UNC13C: variants seen among roughly 807,000 people sequenced by gnomAD.
The protein encoded by UNC13C is unc-13 homolog C.
Under a neutral mutation model 245.4 loss-of-function variants are expected in UNC13C, and 174 were observed. The ratio of observed to expected loss-of-function variants is 0.71; its 90% CI spans 0.63 to 0.80. The LOEUF (loss-of-function observed/expected upper bound fraction) is 0.80, where lower values mean the gene tolerates loss of function less well. Ranked by LOEUF, UNC13C falls within the 30% of genes least tolerant of loss-of-function variation. The probability of loss-of-function intolerance (pLI) is 0.00; values close to 1 mark genes in which losing one functional copy is unlikely to be tolerated. For synonymous variants in UNC13C, 992 were observed against 895.1 expected, an observed-to-expected ratio of 1.11 and a Z score of -1.93; for missense variants, 2,829 against 2,602.9, an observed-to-expected ratio of 1.09 and a Z score of -1.89.
intron 1 of UNC13C, among the ~76,000 whole-genome samples, chr15:53,979,594 A>G (rs975943183): frequency 6.6e-6 from 1 of 152,142 alleles, no homozygotes; most frequent in Admixed American, 6.5e-5. Context: ...CAATTACATC[A>G]TCAATATACT....
chr15:54,276,520 T>C (rs531303985), intron 10 of UNC13C, among the ~76,000 whole-genome samples: 38 of 152,044 alleles, frequency 2.5e-4, no homozygotes, highest in Non-Finnish European at 4.9e-4. Flanking sequence ...GTTCAACACA[T>C]CTAAAATCTA....
At chr15:53,918,119 T>G in the UNC13C span, among the ~76,000 whole-genome samples, 2 of 152,196 alleles carry the variant, frequency 1.3e-5, no homozygotes, top group African/African-American at 4.8e-5. Flanking sequence ...TTTTAAAATT[T>G]TGTTTTCGTG....
chr15:54,121,878 T>C (rs927007234), intron 2 of UNC13C, among the ~76,000 whole-genome samples: 3 of 152,080 alleles, frequency 2.0e-5, no homozygotes, highest in Non-Finnish European at 2.9e-5. Flanking sequence ...ATTTATCTTA[T>C]GGACATAATA....
intron 17 of UNC13C, among the ~76,000 whole-genome samples, chr15:54,357,268 TA>T (rs2039117756): frequency 6.6e-6 from 1 of 152,038 alleles, no homozygotes; most frequent in Admixed American, 6.5e-5. Flanking sequence ...TGTTTTATTA[TA>T]AATTTCAAAA....
At chr15:54,535,668 T>C (rs1320926722) in intron 26 of UNC13C, among the ~76,000 whole-genome samples, 1 of 152,066 alleles carries the variant, frequency 6.6e-6, no homozygotes, top group East Asian at 1.9e-4. Flanking sequence ...AACAGTACAA[T>C]AAAATTAGAA....
At chr15:54,160,184 G>A (rs1450859936) in intron 4 of UNC13C, among the ~76,000 whole-genome samples, 1 of 151,748 alleles carries the variant, frequency 6.6e-6, no homozygotes, top group Non-Finnish European at 1.5e-5. Context: ...TTTTGCTTGG[G>A]AAAAATATGA....
intron 4 of UNC13C, among the ~76,000 whole-genome samples, chr15:54,200,414 T>C (rs151056587): frequency 2.0e-5 from 3 of 152,154 alleles, no homozygotes; most frequent in African/African-American, 7.2e-5. Flanking sequence ...TTCTCCTGGA[T>C]AGACCATATG....
At chr15:54,207,839 T>C (rs2034762671) in intron 4 of UNC13C, among the ~76,000 whole-genome samples, 2 of 152,250 alleles carry the variant, frequency 1.3e-5, no homozygotes, top group Middle Eastern at 3.4e-3. Context: ...GTCAGTTGTG[T>C]GATTTTGGAA....
chr15:54,218,129 A>T (rs2035099192), intron 4 of UNC13C, among the ~76,000 whole-genome samples: 1 of 152,046 alleles, frequency 6.6e-6, no homozygotes, highest in African/African-American at 2.4e-5. Context: ...GATATGACAG[A>T]AGACTTAAAA....
intron 2 of UNC13C, among the ~76,000 whole-genome samples, chr15:54,020,945 G>T (rs970059399): frequency 1.3e-5 from 2 of 151,974 alleles, no homozygotes; most frequent in South Asian, 4.2e-4. Context: ...CCATAAAAAT[G>T]CAGTGCATAA....
the UNC13C span, among the ~76,000 whole-genome samples, chr15:53,895,256 C>G: frequency 5.6e-5 from 8 of 142,818 alleles, no homozygotes; most frequent in African/African-American, 1.8e-4. Flanking sequence ...CCCAGTTACT[C>G]TAGATGCTGA....
At chr15:53,882,492 A>C in the UNC13C span, among the ~76,000 whole-genome samples, 2 of 152,190 alleles carry the variant, frequency 1.3e-5, no homozygotes, top group African/African-American at 4.8e-5. Context: ...TGTCTGAGTC[A>C]TGACAGGGAG....
chr15:54,485,580 C>T (rs1893360909), intron 19 of UNC13C, among the ~76,000 whole-genome samples: 1 of 152,348 alleles, frequency 6.6e-6, no homozygotes. Flanking sequence ...CAACCGAAGT[C>T]ATGTTTTACA....
At chr15:54,101,801 G>A (rs774450627) in intron 2 of UNC13C, among the ~76,000 whole-genome samples, 1 of 151,790 alleles carries the variant, frequency 6.6e-6, no homozygotes, top group Non-Finnish European at 1.5e-5. Flanking sequence ...GGTCAGGCTG[G>A]TCTCGAACTC....
the UNC13C span, among the ~76,000 whole-genome samples, chr15:53,937,865 T>C: frequency 6.6e-6 from 1 of 152,070 alleles, no homozygotes; most frequent in Non-Finnish European, 1.5e-5. Flanking sequence ...GCCTGCCTTG[T>C]GAGAGGTCCC....
At chr15:54,173,308 G>T (rs1409018775) in intron 4 of UNC13C, among the ~76,000 whole-genome samples, 1 of 151,876 alleles carries the variant, frequency 6.6e-6, no homozygotes, top group African/African-American at 2.4e-5. Flanking sequence ...TTAATTGAGG[G>T]TTACATTGTC....
At chr15:54,149,037 G>T (rs1019484561) in intron 4 of UNC13C, among the ~76,000 whole-genome samples, 1 of 152,116 alleles carries the variant, frequency 6.6e-6, no homozygotes, top group South Asian at 2.1e-4. Context: ...GTTTCCCCCA[G>T]GCTGTTCTCC....
the UNC13C span, among the ~76,000 whole-genome samples, chr15:53,939,258 G>C: frequency 6.6e-6 from 1 of 152,096 alleles, no homozygotes; most frequent in Non-Finnish European, 1.5e-5. Context: ...TAAATTCCTG[G>C]ACACGTACAC....
At chr15:54,030,158 T>A (rs1896295962) in intron 2 of UNC13C, among the ~76,000 whole-genome samples, 1 of 152,120 alleles carries the variant, frequency 6.6e-6, no homozygotes, top group Non-Finnish European at 1.5e-5. Context: ...TCTTCCTGCT[T>A]CCAGGGACCA....
Sources: gnomAD v4.1 joint callset for allele counts (sites outside exome capture counted in the v4.1 genomes callset) on GRCh38, gnomAD v4.1.1 for gene constraint, MANE v1.5 for transcripts, NCBI Gene and HGNC (gene_info 2026-07-23, HGNC 2026-07-21) for gene names.